C8orf34: variants seen among roughly 807,000 people sequenced by gnomAD.
C8orf34 encodes the protein uncharacterized protein C8orf34.
In C8orf34, 65 loss-of-function variants were observed where a neutral mutation model predicts 68.3. The ratio of observed to expected loss-of-function variants is 0.95; its 90% CI spans 0.78 to 1.17. C8orf34 has a LOEUF of 1.17. C8orf34 is among the 50% of genes most tolerant of loss of function. C8orf34 has a pLI of 0.00. For missense variants in C8orf34, 664 were observed against 655.4 expected, an observed-to-expected ratio of 1.01 and a Z score of -0.14; for synonymous variants, 244 against 241.2, an observed-to-expected ratio of 1.01 and a Z score of -0.11.
At chr8:68,715,514 A>G (rs1352586412) in intron 9 of C8orf34, among the ~76,000 whole-genome samples, 2 of 152,306 alleles carry the variant, frequency 1.3e-5, no homozygotes, top group East Asian at 3.9e-4. Flanking sequence ...CAAAAAGCAT[A>G]TGGAAAAATG....
At chr8:68,413,153 A>G (rs1478934836) in intron 1 of C8orf34, among the ~76,000 whole-genome samples, 1 of 152,200 alleles carries the variant, frequency 6.6e-6, no homozygotes, top group Non-Finnish European at 1.5e-5. Flanking sequence ...GACAATCATC[A>G]GATTCTTAGT....
At chr8:68,738,006 C>T (rs1330482487) in intron 10 of C8orf34, among the ~76,000 whole-genome samples, 1 of 152,104 alleles carries the variant, frequency 6.6e-6, no homozygotes, top group Non-Finnish European at 1.5e-5. Context: ...CATACTTTAA[C>T]ATTGATCACA....
intron 11 of C8orf34, among the ~76,000 whole-genome samples, chr8:68,786,384 T>C (rs1823846725): frequency 6.6e-6 from 1 of 152,190 alleles, no homozygotes; most frequent in African/African-American, 2.4e-5. Flanking sequence ...TAGTAGATGC[T>C]AGGAATGCAT....
chr8:68,454,548 G>A (rs1181020396), intron 3 of C8orf34, among the ~76,000 whole-genome samples: 1 of 151,892 alleles, frequency 6.6e-6, no homozygotes, highest in Non-Finnish European at 1.5e-5. Flanking sequence ...GCATACAATT[G>A]TTTATAGTAT....
intron 7 of C8orf34, among the ~76,000 whole-genome samples, chr8:68,632,849 G>A (rs1223961231): frequency 6.6e-6 from 1 of 152,126 alleles, no homozygotes; most frequent in Non-Finnish European, 1.5e-5. Context: ...AAAGACGAGA[G>A]TTCAGCTTTG....
intron 4 of C8orf34, among the ~76,000 whole-genome samples, chr8:68,483,485 C>T (rs940059932): frequency 1.4e-4 from 21 of 152,038 alleles, no homozygotes; most frequent in African/African-American, 3.4e-4. Flanking sequence ...AAAGGGCATA[C>T]GTGATTTAGA....
intron 5 of C8orf34, among the ~76,000 whole-genome samples, chr8:68,498,725 C>T (rs368438147): frequency 7.2e-5 from 11 of 151,974 alleles, no homozygotes; most frequent in African/African-American, 2.7e-4. Flanking sequence ...TATTATAATC[C>T]TGATTTCAAA....
intron 5 of C8orf34, among the ~76,000 whole-genome samples, chr8:68,510,194 A>C (rs1178455396): frequency 6.6e-6 from 1 of 152,148 alleles, no homozygotes. Flanking sequence ...CGTAAGCCAA[A>C]TACCAAGGTG....
intron 5 of C8orf34, among the ~76,000 whole-genome samples, chr8:68,496,660 A>G (rs1813537560): frequency 6.6e-6 from 1 of 152,188 alleles, no homozygotes; most frequent in Non-Finnish European, 1.5e-5. Context: ...CCAAGTAAGA[A>G]TGTCTTTTCA....
Position 68,537,318 on chromosome 8 carries a change from ACT to A in C8orf34, c.1105+4172_1105+4173del, listed in dbSNP as rs1043558919. ...AAAACACAAGGGACTATACATAGAAACTCTTTTTATCTCTTTGTTTCTTTTGA... is the reference window on the plus strand; with the variant it reads ...AAAACACAAGGGACTATACATAGAAACTTTTTATCTCTTTGTTTCTTTTGA... On this transcript the variant is annotated intron_variant, in intron 7 of 13. Transcript: ENST00000518698. Among the ~76,000 whole-genome samples the A allele has an allele frequency of 7.2e-4, 110 of 152,064 alleles. 1 individual carries two copies. Among genetic ancestry groups the A allele is most frequent in the African/African-American group, 2.5e-3 (103 of 41,548 alleles).
At chr8:68,432,140 G>A (rs1810476441) in intron 1 of C8orf34, among the ~76,000 whole-genome samples, 2 of 151,772 alleles carry the variant, frequency 1.3e-5, no homozygotes, top group Non-Finnish European at 2.9e-5. Flanking sequence ...ATGTGATCTG[G>A]AATAAGCAAG....
intron 7 of C8orf34, among the ~76,000 whole-genome samples, chr8:68,624,170 G>C (rs1336318852): frequency 6.6e-6 from 1 of 151,730 alleles, no homozygotes; most frequent in Non-Finnish European, 1.5e-5. Flanking sequence ...TAATTGGGAG[G>C]CTGAGGTAGG....
At chr8:68,441,163 T>G (rs561000516) in intron 2 of C8orf34, among the ~76,000 whole-genome samples, 22 of 151,872 alleles carry the variant, frequency 1.4e-4, no homozygotes, top group Middle Eastern at 6.8e-3. Context: ...CAGAAGTCTG[T>G]GCACGGTTTA....
chr8:68,796,013 G>A (rs567810229), intron 12 of C8orf34, among the ~76,000 whole-genome samples: 1 of 152,308 alleles, frequency 6.6e-6, no homozygotes, highest in South Asian at 2.1e-4. Flanking sequence ...TTGTCTGAGG[G>A]TGCCGCATTT....
At chr8:68,761,658 G>T (rs1350752112) in intron 10 of C8orf34, among the ~76,000 whole-genome samples, 1 of 152,132 alleles carries the variant, frequency 6.6e-6, no homozygotes, top group Admixed American at 6.5e-5. Flanking sequence ...CACACCAAAT[G>T]GAACCACAGT....
chr8:68,663,855 CTCACTGCA>C (rs997419850), intron 8 of C8orf34, among the ~76,000 whole-genome samples: 1 of 152,142 alleles, frequency 6.6e-6, no homozygotes, highest in Non-Finnish European at 1.5e-5. Context: ...ATTCATAATG[CTCACTGCA>C]AAATAGACAA....
intron 3 of C8orf34, among the ~76,000 whole-genome samples, chr8:68,449,442 A>G (rs1586162685): frequency 6.6e-6 from 1 of 151,906 alleles, no homozygotes; most frequent in Admixed American, 6.6e-5. Context: ...CAACGTTCCC[A>G]CCTCCTACCA....
At chr8:68,346,602 C>CGAG in intron 1 of C8orf34, among the ~76,000 whole-genome samples, 1 of 151,948 alleles carries the variant, frequency 6.6e-6, no homozygotes, top group Non-Finnish European at 1.5e-5. Context: ...GCCTATCTGT[C>CGAG]TCTCCCTCCC....
intron 7 of C8orf34, among the ~76,000 whole-genome samples, chr8:68,553,891 A>AAC (rs397764967): frequency 1.3e-5 from 2 of 151,754 alleles, no homozygotes; most frequent in South Asian, 2.1e-4. Context: ...TATGAAAAAA[A>AAC]ATGAGAAGTT....
Sources: gnomAD v4.1 joint callset for allele counts (sites outside exome capture counted in the v4.1 genomes callset) on GRCh38, gnomAD v4.1.1 for gene constraint, MANE v1.5 for transcripts, NCBI Gene and HGNC (gene_info 2026-07-23, HGNC 2026-07-21) for gene names.